Variants in SLC35D1 observed in about 807,000 individuals in gnomAD.
SLC35D1 encodes the protein solute carrier family 35 member D1, also known as nucleotide sugar transporter SLC35D1.
SLC35D1 carries 31 observed loss-of-function variants against 46.7 expected under a neutral mutation model. The ratio of observed to expected loss-of-function variants is 0.66; its 90% CI spans 0.50 to 0.90. The LOEUF is 0.90. Among genes scored for constraint, SLC35D1 ranks in the 40% least tolerant of loss-of-function variants. SLC35D1 has a pLI of 0.00. For missense variants in SLC35D1, 397 were observed against 426.2 expected (o/e 0.93, Z 0.60); for synonymous variants, 195 against 164.6 (o/e 1.18, Z -1.41).
At position 67,052,013 on chromosome 1, in the gene SLC35D1, TCA is replaced by T. The variant is rs1400021005; in HGVS notation, c.389_390del (p.Leu130GlnfsTer20). ...QITGLFSTKK[L>X]NLPMFTVLRR... ...CTAGTAAAATAAAGTTATCCATACTTCAGTTTCTTTGTGCTGAACAGTCCCGT... is the reference window on the plus strand; with the variant it reads ...CTAGTAAAATAAAGTTATCCATACTTGTTTCTTTGTGCTGAACAGTCCCGT... On this transcript the variant is annotated frameshift_variant and splice_region_variant, in exon 4 of 12. Transcript: ENST00000235345. LOFTEE classifies it high-confidence loss of function. The T allele has an allele frequency of 6.3e-7, 1 of 1,594,806 alleles. No homozygotes were observed. Among genetic ancestry groups the T allele is most frequent in the South Asian group, 1.1e-5 (1 of 90,698 alleles).
downstream of SLC35D1, chr1:66,999,326 T>A (rs1008440715): frequency 6.6e-6 from 1 of 152,348 alleles, no homozygotes; most frequent in Non-Finnish European, 1.5e-5. Flanking sequence ...TGGGCAGACT[T>A]CTGGCTCTGG....
At chr1:67,009,277 A>C in intron 10 of SLC35D1, 110 bp from the exon 11 acceptor site, 1 of 443,586 alleles carries the variant, frequency 2.3e-6, no homozygotes, top group Non-Finnish European at 4.1e-6. Flanking sequence ...AAATAAACAA[A>C]AGACAAACAA....
intron 10 of SLC35D1, among the ~76,000 whole-genome samples, chr1:67,016,253 TG>T (rs1335810532): frequency 1.3e-5 from 2 of 152,290 alleles, no homozygotes; most frequent in East Asian, 3.9e-4. Flanking sequence ...CAAATTTCCT[TG>T]TCAATTGTTA....
At chr1:67,045,981 T>G (rs1230223757) in intron 7 of SLC35D1, among the ~76,000 whole-genome samples, 1 of 152,202 alleles carries the variant, frequency 6.6e-6, no homozygotes, top group African/African-American at 2.4e-5. Context: ...CTGCTACCTT[T>G]TCTCTAGCTA....
chr1:66,974,425 GTTT>G, the SLC35D1 span, among the ~76,000 whole-genome samples: 1 of 148,716 alleles, frequency 6.7e-6, no homozygotes, highest in African/African-American at 2.5e-5. Flanking sequence ...TTTGGATGAG[GTTT>G]TTTTTTTGTT....
intron 8 of SLC35D1, among the ~76,000 whole-genome samples, chr1:67,037,750 C>T (rs765519749): frequency 4.0e-5 from 6 of 151,888 alleles, no homozygotes; most frequent in Non-Finnish European, 7.4e-5. Context: ...CTCTGTTTAC[C>T]ATGAAGTCTA....
chr1:67,046,357 C>T (rs1049614302), intron 7 of SLC35D1, among the ~76,000 whole-genome samples: 11 of 152,084 alleles, frequency 7.2e-5, no homozygotes, highest in Non-Finnish European at 1.5e-4. Context: ...TAAGTAGTTT[C>T]AGAAACATTC....
the SLC35D1 span, chr1:66,985,706 T>G: frequency 1.0e-6 from 1 of 985,110 alleles, no homozygotes; most frequent in Non-Finnish European, 1.2e-6. Flanking sequence ...GTCTGTCAGC[T>G]TTCATTTTAT....
At chr1:66,976,259 C>T in the SLC35D1 span, among the ~76,000 whole-genome samples, 1 of 152,194 alleles carries the variant, frequency 6.6e-6, no homozygotes, top group African/African-American at 2.4e-5. Context: ...CCCTTGGCCT[C>T]CCAAAGTGCT....
At chr1:66,979,094 GTTGT>G in the SLC35D1 span, among the ~76,000 whole-genome samples, 8 of 151,424 alleles carry the variant, frequency 5.3e-5, no homozygotes, top group African/African-American at 2.0e-4. Flanking sequence ...GCCCCACTGG[GTTGT>G]TTTTTTTTTA....
chr1:67,021,721 A>C, intron 8 of SLC35D1, 119 bp from the exon 9 acceptor site: 1 of 450,076 alleles, frequency 2.2e-6, no homozygotes, highest in Admixed American at 2.9e-5. Context: ...AGACACAGAC[A>C]CAGACACACA....
chr1:67,017,855 T>A (rs1479825944), intron 10 of SLC35D1, among the ~76,000 whole-genome samples: 2 of 152,198 alleles, frequency 1.3e-5, no homozygotes, highest in African/African-American at 2.4e-5. Flanking sequence ...TATGGGGCAA[T>A]ACATTTAAAT....
At chr1:67,016,148 A>C (rs2102264551) in intron 10 of SLC35D1, among the ~76,000 whole-genome samples, 1 of 152,164 alleles carries the variant, frequency 6.6e-6, no homozygotes, top group South Asian at 2.1e-4. Flanking sequence ...TATGTTCTAA[A>C]CCTGTATGAG....
chr1:66,981,140 A>G, the SLC35D1 span, among the ~76,000 whole-genome samples: 2 of 152,204 alleles, frequency 1.3e-5, no homozygotes, highest in Admixed American at 6.5e-5. Flanking sequence ...CCTGAGAGAG[A>G]CAAATCTCTA....
chr1:67,022,775 C>A (rs1667835857), intron 8 of SLC35D1, among the ~76,000 whole-genome samples: 1 of 152,156 alleles, frequency 6.6e-6, no homozygotes, highest in African/African-American at 2.4e-5. Context: ...CATGTAACCA[C>A]CATTACAATC....
chr1:67,038,338 A>T (rs1668166403), intron 8 of SLC35D1, among the ~76,000 whole-genome samples: 1 of 152,188 alleles, frequency 6.6e-6, no homozygotes, highest in Non-Finnish European at 1.5e-5. Flanking sequence ...CCAGGCAGAC[A>T]ATTTGTGCAG....
At chr1:67,007,905 A>C (rs1667483848) in intron 11 of SLC35D1, among the ~76,000 whole-genome samples, 1 of 152,204 alleles carries the variant, frequency 6.6e-6, no homozygotes, top group Non-Finnish European at 1.5e-5. Context: ...ATTCACATTA[A>C]AGTTGATACC....
intron 8 of SLC35D1, among the ~76,000 whole-genome samples, chr1:67,026,562 A>C (rs1033224959): frequency 2.0e-5 from 3 of 152,152 alleles, no homozygotes; most frequent in Non-Finnish European, 2.9e-5. Flanking sequence ...CAAATTCTCC[A>C]GTGAAGCAAT....
At chr1:67,017,199 A>G (rs1461320559) in intron 10 of SLC35D1, among the ~76,000 whole-genome samples, 1 of 152,174 alleles carries the variant, frequency 6.6e-6, no homozygotes, top group African/African-American at 2.4e-5. Flanking sequence ...GCCAAGTACA[A>G]TAAGACTAAA....
Sources: gnomAD v4.1 joint callset for allele counts (sites outside exome capture counted in the v4.1 genomes callset) on GRCh38, gnomAD v4.1.1 for gene constraint, MANE v1.5 for transcripts, NCBI Gene and HGNC (gene_info 2026-07-23, HGNC 2026-07-21) for gene names.